ROR1: variants seen among roughly 807,000 people sequenced by gnomAD.
ROR1 encodes the protein inactive tyrosine-protein kinase transmembrane receptor ROR1.
In ROR1, 19 loss-of-function variants were observed where a neutral mutation model predicts 78.8. The observed-to-expected ratio is 0.24, with a 90% confidence interval of 0.17 to 0.35. The LOEUF is 0.35. Ranked by LOEUF, ROR1 falls within the 10% of genes least tolerant of loss-of-function variation. ROR1 has a pLI of 1.00. For missense variants in ROR1, 917 were observed against 1,177.8 expected (o/e 0.78, Z 3.24); for synonymous variants, 386 against 433.6 (o/e 0.89, Z 1.36).
intron 1 of ROR1, among the ~76,000 whole-genome samples, chr1:63,951,884 T>C (rs10889456): frequency 0.25 from 38,674 of 151,974 alleles, 6,066 homozygotes; most frequent in African/African-American, 0.44. Context: ...AAAATTGGTG[T>C]AGACGAGCTG....
rs552218348 is a variant in ROR1 at position 63,914,533 on chromosome 1, C to T, written c.92-94772C>T. On this transcript the variant is annotated intron_variant, in intron 1 of 8. Transcript: ENST00000371079. ...AAGAGTTGGGAGCTGTTATGCAAAG[C>T]TGAGAACCTGTAAGTCGAGGTAGGA... 2.0e-5 allele frequency among the ~76,000 whole-genome samples: 3 copies of T among 152,306 alleles called. No individual in the cohort carries two copies. In the East Asian group the frequency reaches 5.8e-4, roughly 29 times the overall value.
At chr1:63,913,873 TG>T in intron 1 of ROR1, among the ~76,000 whole-genome samples, 1 of 152,322 alleles carries the variant, frequency 6.6e-6, no homozygotes, top group Middle Eastern at 3.4e-3. Context: ...CTTTATTGTC[TG>T]CAGTTTAAAA....
At position 63,830,014 on chromosome 1, in the gene ROR1, CA is replaced by C. The variant is rs71056007; in HGVS notation, c.91+55517del. ...CTGGTGAATATCATAGCAATGAGGC[CA>C]AAAAAAAAAACCTTCATAAAAACTT... On this transcript the variant is annotated intron_variant, in intron 1 of 8. Transcript: ENST00000371079. Among the ~76,000 whole-genome samples, 224 of 141,376 alleles carry C rather than the reference CA, an allele frequency of 1.6e-3. 1 individual carries two copies. The highest frequency in any genetic ancestry group is 4.8e-3 in the African/African-American group (186 of 38,480). 92.7% of individuals were successfully genotyped at this position (141,376 alleles called of 152,430 possible).
intron 1 of ROR1, among the ~76,000 whole-genome samples, chr1:63,965,986 G>T (rs2100491223): frequency 6.6e-6 from 1 of 152,296 alleles, no homozygotes; most frequent in East Asian, 1.9e-4. Flanking sequence ...TTAAAGTGGG[G>T]ATAGGACTGT....
chr1:63,813,459 C>G (rs1438229249), intron 1 of ROR1, among the ~76,000 whole-genome samples: 1 of 152,170 alleles, frequency 6.6e-6, no homozygotes. Flanking sequence ...TTCCAGTATA[C>G]TTGGTTTTAT....
At position 63,905,087 on chromosome 1, in the gene ROR1, C is replaced by CAAGAGAGT. The variant is rs1645518364; in HGVS notation, c.92-104216_92-104209dup. On this transcript the variant is annotated intron_variant, in intron 1 of 8. Transcript: ENST00000371079. ...CTACTCAGCCACACTGCTTCAGAGG[C>CAAGAGAGT]AAGAGAGTAGTGGAGGGGAGTTTGT... Among the ~76,000 whole-genome samples the CAAGAGAGT allele has an allele frequency of 2.6e-5, 4 of 152,052 alleles. No homozygotes were observed. In the South Asian group the frequency reaches 8.3e-4, roughly 32 times the overall value.
At chr1:64,124,643 A>AGACTAT (rs1302733149) in intron 4 of ROR1, among the ~76,000 whole-genome samples, 1 of 152,160 alleles carries the variant, frequency 6.6e-6, no homozygotes, top group African/African-American at 2.4e-5. Context: ...GGACTAATCA[A>AGACTAT]GACTATGTGA....
At chr1:63,808,750 G>T (rs1644843494) in intron 1 of ROR1, among the ~76,000 whole-genome samples, 1 of 151,946 alleles carries the variant, frequency 6.6e-6, no homozygotes, top group Non-Finnish European at 1.5e-5. Context: ...AGATGAAGAA[G>T]GCAGAAAAGG....
At chr1:63,789,113 C>T in intron 1 of ROR1, 1 of 612,882 alleles carries the variant, frequency 1.6e-6, no homozygotes, top group South Asian at 1.4e-5. Flanking sequence ...AGGTGTTTTC[C>T]TGGCATCGAG....
At chr1:63,910,613 A>G (rs905677308) in intron 1 of ROR1, among the ~76,000 whole-genome samples, 34 of 152,074 alleles carry the variant, frequency 2.2e-4, no homozygotes, top group African/African-American at 7.7e-4. Flanking sequence ...CTAACCTCCT[A>G]TGACCCCATA....
chr1:63,841,386 T>G (rs1405133321), intron 1 of ROR1, among the ~76,000 whole-genome samples: 1 of 152,234 alleles, frequency 6.6e-6, no homozygotes, highest in Non-Finnish European at 1.5e-5. Context: ...TAGTAGGTCC[T>G]CAGTAAGTTT....
At chr1:63,908,758 A>G (rs1569893298) in intron 1 of ROR1, among the ~76,000 whole-genome samples, 1 of 152,192 alleles carries the variant, frequency 6.6e-6, no homozygotes, top group East Asian at 1.9e-4. Context: ...TCCCCAGGGG[A>G]AAACTGCAGC....
intron 4 of ROR1, among the ~76,000 whole-genome samples, chr1:64,107,247 A>C (rs41285392): frequency 0.14 from 20,902 of 152,170 alleles, 1,649 homozygotes; most frequent in African/African-American, 0.19. Context: ...TGAGGCACTG[A>C]GAGGTTGTGT....
At chr1:64,160,479 A>AC (rs1649907370) in intron 8 of ROR1, among the ~76,000 whole-genome samples, 2 of 150,688 alleles carry the variant, frequency 1.3e-5, no homozygotes, top group Admixed American at 6.6e-5. Context: ...GCAAACAACA[A>AC]AAAAAAAACC....
intron 4 of ROR1, among the ~76,000 whole-genome samples, chr1:64,089,187 G>T (rs1014145971): frequency 6.8e-6 from 1 of 147,222 alleles, no homozygotes; most frequent in African/African-American, 2.5e-5. Context: ...AGCAAGATTT[G>T]ACAATAATAG....
At chr1:63,975,494 G>A (rs1646152625) in intron 1 of ROR1, among the ~76,000 whole-genome samples, 2 of 152,122 alleles carry the variant, frequency 1.3e-5, no homozygotes, top group Non-Finnish European at 2.9e-5. Context: ...GCCTGGATGA[G>A]CTCTCAGAAA....
intron 4 of ROR1, among the ~76,000 whole-genome samples, chr1:64,122,658 GA>G (rs991205156): frequency 5.3e-5 from 8 of 152,184 alleles, no homozygotes; most frequent in South Asian, 2.1e-4. Flanking sequence ...AGGAACTGGA[GA>G]AGGTGCTTAA....
chr1:64,059,186 C>CT (rs922322788), intron 4 of ROR1, among the ~76,000 whole-genome samples: 14 of 150,774 alleles, frequency 9.3e-5, no homozygotes, highest in African/African-American at 2.4e-4. Context: ...TAATTTGTGT[C>CT]TTTTTTTTTC....
chr1:64,097,302 A>C (rs1195132329), intron 4 of ROR1, among the ~76,000 whole-genome samples: 3 of 152,104 alleles, frequency 2.0e-5, no homozygotes, highest in Non-Finnish European at 4.4e-5. Context: ...TCATTGTAAC[A>C]TTCTGACTTT....
Sources: allele counts gnomAD v4.1 joint callset (sites outside exome capture counted in the v4.1 genomes callset), GRCh38; gene constraint gnomAD v4.1.1; transcripts MANE v1.5; gene names NCBI Gene and HGNC (gene_info 2026-07-23, HGNC 2026-07-21).